C17orf99: variants seen among roughly 807,000 people sequenced by gnomAD.
C17orf99 encodes chromosome 17 open reading frame 99.
In C17orf99, 18 loss-of-function variants were observed where a neutral mutation model predicts 22.6. That is an observed-to-expected ratio of 0.80 (90% CI 0.55 to 1.18). The LOEUF is 1.18. Ranked by LOEUF, C17orf99 falls within the 50% of genes most tolerant of loss-of-function variation. The pLI is 0.00. For synonymous variants in C17orf99, 147 were observed against 136.6 expected (o/e 1.08, Z -0.53); for missense variants, 328 against 342.7 (o/e 0.96, Z 0.34).
intron 4 of C17orf99, chr17:78,165,434 A>G (rs1296852522): frequency 4.1e-6 from 4 of 985,384 alleles, no homozygotes; most frequent in Non-Finnish European, 4.8e-6. Context: ...AAAATGGGGT[A>G]CAGCCTTCAT....
At chr17:78,156,127 C>T (rs994698095) in intron 2 of C17orf99, among the ~76,000 whole-genome samples, 1 of 150,832 alleles carries the variant, frequency 6.6e-6, no homozygotes, top group Non-Finnish European at 1.5e-5. Context: ...GTCAAGAGTT[C>T]GAGACCAGCC....
intron 2 of C17orf99, among the ~76,000 whole-genome samples, chr17:78,153,967 C>G (rs2145779870): frequency 7.0e-6 from 1 of 141,994 alleles, no homozygotes; most frequent in African/African-American, 2.7e-5. Flanking sequence ...ACTCTGTCAC[C>G]CAGGCTGGAG....
Position 78,146,709 on chromosome 17 carries a change from G to A in C17orf99, c.38-170G>A. On this transcript the variant is annotated intron_variant, in intron 1 of 4. Coordinates refer to ENST00000340363, the MANE Select transcript of C17orf99 (RefSeq NM_001163075.2). The surrounding 1 kb of genome is among the most constrained non-coding windows in gnomAD (Gnocchi z 5.2). ...CGGATGAGAGGCGATGTTGTGGGGG[G>A]AGGGGCGCAAAAGAGCTTTTGTGAG... 1 of 686,942 alleles carries A rather than the reference G, an allele frequency of 1.5e-6. No homozygotes were observed. The allele number at this position is 686,942 out of a possible 1,614,324, so 42.6% of individuals were successfully genotyped here.
chr17:78,165,367 A>C (rs1257883112), intron 4 of C17orf99: 1 of 985,434 alleles, frequency 1.0e-6, no homozygotes, highest in Non-Finnish European at 1.2e-6. Flanking sequence ...TTCTTTCCAG[A>C]AGCCAGACTC....
intron 2 of C17orf99, among the ~76,000 whole-genome samples, chr17:78,159,359 C>G (rs2075554385): frequency 6.6e-6 from 1 of 151,470 alleles, no homozygotes; most frequent in African/African-American, 2.4e-5. Flanking sequence ...TAAAAGTGGG[C>G]CGGGCGCAGT....
intron 2 of C17orf99, among the ~76,000 whole-genome samples, chr17:78,159,840 G>A (rs902793468): frequency 9.9e-5 from 15 of 152,072 alleles, no homozygotes; most frequent in African/African-American, 3.4e-4. Context: ...CTTTGCGTCT[G>A]CCTTTTTGTT....
intron 2 of C17orf99, among the ~76,000 whole-genome samples, chr17:78,148,893 A>C (rs2075456110): frequency 6.6e-6 from 1 of 152,158 alleles, no homozygotes; most frequent in Non-Finnish European, 1.5e-5. Flanking sequence ...GGCAAAATCC[A>C]AGAGAGCCAT....
At chr17:78,145,738 C>A (rs892426185), upstream of C17orf99, among the ~76,000 whole-genome samples, 2 of 151,976 alleles carry the variant, frequency 1.3e-5, no homozygotes, top group African/African-American at 4.8e-5. Context: ...AGCCTTCATT[C>A]CCCTTGCCGC....
At chr17:78,147,333 A>G (rs1172841459) in intron 2 of C17orf99, among the ~76,000 whole-genome samples, 2 of 152,130 alleles carry the variant, frequency 1.3e-5, no homozygotes, top group African/African-American at 4.8e-5. Flanking sequence ...GGAGGTTGGG[A>G]TTCTCTGACC....
chr17:78,146,443 G>A lies in C17orf99; in HGVS notation c.36G>A (p.Leu12=). ...CTGGGCTGTTCTGCTTGGCCGTGCT[G>A]GGTGAGTCCACCAGGGACGTGATGG... ...GLPGLFCLAV[L]AASSFSKARE... is the part of the protein sequence containing the mutation. Residue 12 remains leucine, a splice_region_variant and synonymous_variant, in exon 1 of 5, where the codon CTG becomes CTA. Transcript: ENST00000340363. The surrounding 1 kb of genome is among the most constrained non-coding windows in gnomAD (Gnocchi z 5.2). 1 of 1,550,234 alleles carries A rather than the reference G, an allele frequency of 6.5e-7. No homozygotes were observed. The highest frequency in any genetic ancestry group is 8.7e-7 in the Non-Finnish European group (1 of 1,146,858).
intron 2 of C17orf99, among the ~76,000 whole-genome samples, chr17:78,147,344 A>G (rs565076110): frequency 9.2e-5 from 14 of 152,272 alleles, no homozygotes; most frequent in African/African-American, 3.4e-4. Flanking sequence ...TTCTCTGACC[A>G]GGAGGAGGGC....
chr17:78,149,935 G>A (rs546535268), intron 2 of C17orf99, among the ~76,000 whole-genome samples: 4 of 151,500 alleles, frequency 2.6e-5, no homozygotes, highest in Admixed American at 6.6e-5. Flanking sequence ...GGTGTTGATC[G>A]CTTGACCTCG....
chr17:78,157,448 G>A, intron 2 of C17orf99: 3 of 1,307,860 alleles, frequency 2.3e-6, no homozygotes. Context: ...TGGACTTCGA[G>A]ACAGGAGATG....
At chr17:78,150,647 C>G (rs2145773206) in intron 2 of C17orf99, among the ~76,000 whole-genome samples, 1 of 152,240 alleles carries the variant, frequency 6.6e-6, no homozygotes, top group East Asian at 1.9e-4. Context: ...GGTGTTGTCC[C>G]CCTTTGTCCT....
intron 2 of C17orf99, among the ~76,000 whole-genome samples, chr17:78,149,924 T>A (rs915414678): frequency 1.3e-5 from 2 of 152,020 alleles, no homozygotes; most frequent in Non-Finnish European, 2.9e-5. Flanking sequence ...TTAGCCAGGA[T>A]GGTGTTGATC....
rs949622607 is a variant in C17orf99 at position 78,165,071 on chromosome 17, G to A, written c.640+707G>A. The A allele has an allele frequency of 1.0e-5, 11 of 1,053,130 alleles. No homozygotes were observed. The South Asian group carries it at 3.2e-4, about 31-fold the overall frequency. 65.2% of individuals were successfully genotyped at this position (1,053,130 alleles called of 1,614,324 possible). The stretch of plus-strand genomic sequence containing the variant: ...GGCAGTCTTTCCGAGGTGGTGGCAA[G>A]AGCCTGGGGCCCAGCCTCCCAGGGT... On this transcript the variant is annotated intron_variant, in intron 4 of 4. Coordinates refer to ENST00000340363, the MANE Select transcript of C17orf99 (RefSeq NM_001163075.2).
upstream of C17orf99, among the ~76,000 whole-genome samples, chr17:78,145,957 G>A (rs1246067368): frequency 6.6e-6 from 1 of 152,006 alleles, no homozygotes; most frequent in African/African-American, 2.4e-5. Flanking sequence ...CACCACGCCC[G>A]GCTGATTTTT....
intron 3 of C17orf99, among the ~76,000 whole-genome samples, chr17:78,162,656 A>G (rs1260057427): frequency 1.3e-5 from 2 of 152,046 alleles, no homozygotes; most frequent in African/African-American, 2.4e-5. Context: ...AAGGAAAATA[A>G]TAACAGAGGC....
In C17orf99 at chr17:78,160,992, G is replaced by A. The variant is rs1157484651; in HGVS notation, c.108G>A (p.Leu36=). ...TPVVSIAYKV[L]EVFPKGRWVL... is the part of the protein sequence containing the mutation. ...TGGTCTCCATTGCCTACAAAGTCCT[G>A]GAAGTTTTCCCCAAAGGCCGCTGGG... The change falls in exon 3 of 5, where the codon CTG becomes CTA. Residue 36 remains leucine, a synonymous_variant. Transcript: ENST00000340363. The A allele has an allele frequency of 7.7e-6, 12 of 1,551,618 alleles. No homozygotes were observed. Among genetic ancestry groups the A allele is most frequent in the South Asian group, 1.2e-5 (1 of 84,062 alleles).
Sources: allele counts gnomAD v4.1 joint callset (sites outside exome capture counted in the v4.1 genomes callset), GRCh38; gene constraint gnomAD v4.1.1; non-coding constraint Gnocchi (gnomAD v3.1); transcripts MANE v1.5; gene names NCBI Gene and HGNC (gene_info 2026-07-23, HGNC 2026-07-21).